The following ZFP1 variants were observed in gnomAD, a reference collection of about 807,000 sequenced individuals.
ZFP1 encodes ZFP1 zinc finger protein.
In ZFP1, 32 loss-of-function variants were observed where a neutral mutation model predicts 38.5. The ratio of observed to expected loss-of-function variants is 0.83; its 90% CI spans 0.63 to 1.12. The LOEUF (loss-of-function observed/expected upper bound fraction) is 1.12, where lower values mean the gene tolerates loss of function less well. Among genes scored for constraint, ZFP1 ranks in the 50% most tolerant of loss-of-function variants. The pLI is 0.00. For missense variants in ZFP1, 616 were observed against 480.8 expected (o/e 1.28, Z -2.63); for synonymous variants, 245 against 168.8 (o/e 1.45, Z -3.50).
the ZFP1 span, among the ~76,000 whole-genome samples, chr16:75,123,478 T>A: frequency 7.6e-6 from 1 of 131,106 alleles, no homozygotes; most frequent in Non-Finnish European, 1.6e-5. Flanking sequence ...TATATATATA[T>A]ATATATATAT....
At chr16:75,157,049 C>G (rs1239428183) in intron 2 of ZFP1, 1 of 152,164 alleles carries the variant, frequency 6.6e-6, no homozygotes, top group Non-Finnish European at 1.5e-5. Context: ...AGTAGAGAAT[C>G]AGTGCTATTT....
chr16:75,163,777 A>G (rs956961547), intron 2 of ZFP1, among the ~76,000 whole-genome samples: 13 of 151,994 alleles, frequency 8.6e-5, no homozygotes, highest in African/African-American at 3.1e-4. Context: ...ACGTCCAGCT[A>G]GGTGTTCTGT....
At chr16:75,129,461 C>G in the ZFP1 span, among the ~76,000 whole-genome samples, 1 of 152,184 alleles carries the variant, frequency 6.6e-6, no homozygotes, top group African/African-American at 2.4e-5. Context: ...TAGGGCAAAC[C>G]TGCCTCCCAT....
At chr16:75,148,842 G>C (rs768966443) in intron 1 of ZFP1, 199 bp downstream of exon 1, 5 of 152,330 alleles carry the variant, frequency 3.3e-5, no homozygotes, top group Admixed American at 6.5e-5. Context: ...CGAACGTGCG[G>C]GGGCGGGGAC....
chr16:75,152,813 C>A (rs2145503309), intron 1 of ZFP1, 96 bp from the exon 2 acceptor site: 3 of 1,144,264 alleles, frequency 2.6e-6, no homozygotes, highest in East Asian at 2.4e-5. Context: ...GGTATTTTCC[C>A]AGGTGGTCTC....
intron 3 of ZFP1, 149 bp downstream of exon 3, chr16:75,167,045 T>G (rs1390862726): frequency 7.2e-7 from 1 of 1,396,754 alleles, no homozygotes; most frequent in Non-Finnish European, 9.6e-7. Context: ...CCTTTAAAGC[T>G]CTATCATCTC....
intron 2 of ZFP1, 30 bp from the exon 3 acceptor site, chr16:75,166,740 C>G: frequency 1.8e-5 from 29 of 1,614,042 alleles, no homozygotes; most frequent in Non-Finnish European, 2.3e-5. Flanking sequence ...AAATGATCAT[C>G]TTAGGATGAA....
intron 2 of ZFP1, 135 bp downstream of exon 2, chr16:75,153,101 G>A (rs1432087956): frequency 3.4e-6 from 4 of 1,188,612 alleles, no homozygotes; most frequent in Non-Finnish European, 3.5e-6. Flanking sequence ...AATACCAGCA[G>A]CCAAAAAGCA....
the ZFP1 span, among the ~76,000 whole-genome samples, chr16:75,143,157 A>G: frequency 6.6e-6 from 1 of 151,776 alleles, no homozygotes; most frequent in Non-Finnish European, 1.5e-5. Flanking sequence ...AATGGCAAAT[A>G]AAAAAAAAGA....
At position 75,160,340 on chromosome 16, in the gene ZFP1, C is replaced by G. The variant is rs192506550; in HGVS notation, c.16-6430C>G. ...TTGAGGGCAGGAGTTTGAGACCAGTCTTGCCAACATGTACTAAACCCATCT... is the reference window on the plus strand; with the variant it reads ...TTGAGGGCAGGAGTTTGAGACCAGTGTTGCCAACATGTACTAAACCCATCT... On this transcript the variant is annotated intron_variant, in intron 2 of 3. Transcript: ENST00000570010. Among the ~76,000 whole-genome samples the G allele has an allele frequency of 7.2e-5, 11 of 152,060 alleles. No individual in the cohort carries two copies. The East Asian group carries it at 1.9e-3, about 27-fold the overall frequency.
chr16:75,151,351 T>C (rs185587197), intron 1 of ZFP1, among the ~76,000 whole-genome samples: 2 of 152,198 alleles, frequency 1.3e-5, no homozygotes, highest in Admixed American at 1.3e-4. Context: ...CAATTATTGA[T>C]ATAGTTGTGT....
At position 75,153,495 on chromosome 16, in the gene ZFP1, C is replaced by T. The variant is rs78594311; in HGVS notation, c.15+529C>T. ...AAATAAAAGCACAAACGTAAGATAG[C>T]ATGTTAATCATACTGTTCTGTTTAT... On this transcript the variant is annotated intron_variant, in intron 2 of 3. Transcript: ENST00000570010. 2.8e-3 allele frequency among the ~76,000 whole-genome samples: 423 copies of T among 152,210 alleles called. 2 individuals carry two copies. The highest frequency in any genetic ancestry group is 9.8e-3 in the African/African-American group (407 of 41,520).
At chr16:75,142,756 G>A in the ZFP1 span, among the ~76,000 whole-genome samples, 1 of 152,282 alleles carries the variant, frequency 6.6e-6, no homozygotes, top group Admixed American at 6.5e-5. Flanking sequence ...AGGTTGGAGT[G>A]CAGTGGTGCG....
At chr16:75,138,549 C>T in the ZFP1 span, among the ~76,000 whole-genome samples, 2 of 152,208 alleles carry the variant, frequency 1.3e-5, no homozygotes, top group African/African-American at 4.8e-5. Context: ...CCTGCAACCT[C>T]GGACTGTGAC....
At chr16:75,159,409 A>ATTTT (rs59866485) in intron 2 of ZFP1, among the ~76,000 whole-genome samples, 1 of 59,146 alleles carries the variant, frequency 1.7e-5, no homozygotes, top group Non-Finnish European at 3.1e-5. Context: ...CTCACTTTTC[A>ATTTT]TTTTTTTTTT....
chr16:75,136,015 C>T, the ZFP1 span, among the ~76,000 whole-genome samples: 1 of 152,182 alleles, frequency 6.6e-6, no homozygotes, highest in Non-Finnish European at 1.5e-5. Flanking sequence ...GGGTTTTCGT[C>T]ATGTTGGCCA....
chr16:75,167,263 C>T (rs2038143233), intron 3 of ZFP1, among the ~76,000 whole-genome samples: 1 of 152,158 alleles, frequency 6.6e-6, no homozygotes, highest in Admixed American at 6.5e-5. Flanking sequence ...CGATTATGAG[C>T]AGCTCAGTAC....
chr16:75,120,601 T>TTGTA, the ZFP1 span, among the ~76,000 whole-genome samples: 1 of 151,494 alleles, frequency 6.6e-6, no homozygotes, highest in African/African-American at 2.4e-5. Flanking sequence ...GTTTTTTGTA[T>TTGTA]TGTTTGTTTG....
chr16:75,167,463 A>C (rs577132909), intron 3 of ZFP1, among the ~76,000 whole-genome samples: 22 of 151,928 alleles, frequency 1.4e-4, no homozygotes, highest in African/African-American at 5.1e-4. Context: ...AACTTTCCTA[A>C]CATATCTTAA....
Sources: allele counts gnomAD v4.1 joint callset (sites outside exome capture counted in the v4.1 genomes callset), GRCh38; gene constraint gnomAD v4.1.1; transcripts MANE v1.5; gene names NCBI Gene and HGNC (gene_info 2026-07-23, HGNC 2026-07-21).